GABRB3: variants seen among roughly 807,000 people sequenced by gnomAD.
GABRB3 encodes gamma-aminobutyric acid type A receptor subunit beta3, also known as gamma-aminobutyric acid receptor subunit beta-3.
GABRB3 carries 14 observed loss-of-function variants against 52.1 expected under a neutral mutation model. That is an observed-to-expected ratio of 0.27 (90% confidence interval 0.18 to 0.42). The LOEUF is 0.42. GABRB3 is among the 10% of genes least tolerant of loss of function. GABRB3 has a pLI of 1.00. For missense variants in GABRB3, 307 were observed against 609.1 expected (o/e 0.50, Z 5.22); for synonymous variants, 260 against 232.3 (o/e 1.12, Z -1.08).
intron 3 of GABRB3, among the ~76,000 whole-genome samples, chr15:26,685,737 A>T (rs1048531072): frequency 5.3e-5 from 8 of 152,088 alleles, no homozygotes; most frequent in Middle Eastern, 3.4e-3. Flanking sequence ...GATGGCTAGG[A>T]AAGACCCGCA....
At chr15:26,553,469 A>G (rs1299194905) in intron 8 of GABRB3, 2 of 152,176 alleles carry the variant, frequency 1.3e-5, no homozygotes, top group African/African-American at 2.4e-5. Context: ...GTTCTTTTCA[A>G]TAATACTAAA....
At chr15:26,714,885 T>C (rs1236349975) in intron 3 of GABRB3, among the ~76,000 whole-genome samples, 1 of 152,102 alleles carries the variant, frequency 6.6e-6, no homozygotes, top group African/African-American at 2.4e-5. Context: ...AAATCTGTAG[T>C]CTGTGGAGAA....
intron 3 of GABRB3, among the ~76,000 whole-genome samples, chr15:26,655,586 C>T (rs1457021246): frequency 6.6e-6 from 1 of 152,112 alleles, no homozygotes; most frequent in Non-Finnish European, 1.5e-5. Context: ...ACTAAAAATA[C>T]AAAAAATTAG....
At chr15:26,717,225 A>G (rs60736679) in intron 3 of GABRB3, among the ~76,000 whole-genome samples, 93 of 95,600 alleles carry the variant, frequency 9.7e-4, no homozygotes, top group Middle Eastern at 7.4e-3. Context: ...CTCAATGACA[A>G]CCTAGCTCTG....
intron 3 of GABRB3, among the ~76,000 whole-genome samples, chr15:26,678,679 A>G (rs1290633672): frequency 2.0e-5 from 3 of 152,132 alleles, no homozygotes; most frequent in Non-Finnish European, 4.4e-5. Flanking sequence ...ATATGGATGG[A>G]TCGACTCTGA....
intron 3 of GABRB3, among the ~76,000 whole-genome samples, chr15:26,706,935 G>C (rs545009658): frequency 1.3e-5 from 2 of 152,174 alleles, no homozygotes; most frequent in Admixed American, 1.3e-4. Flanking sequence ...TAGGAAGGAG[G>C]GTTTGTATTT....
chr15:26,768,756 A>C (rs962181979), intron 3 of GABRB3, among the ~76,000 whole-genome samples: 2 of 152,190 alleles, frequency 1.3e-5, no homozygotes, highest in South Asian at 2.1e-4. Flanking sequence ...ACAAGAGGGA[A>C]GTTACACAAA....
At chr15:26,559,972 A>C (rs1299794767) in intron 8 of GABRB3, among the ~76,000 whole-genome samples, 1 of 152,182 alleles carries the variant, frequency 6.6e-6, no homozygotes, top group Non-Finnish European at 1.5e-5. Flanking sequence ...AGGTGGACAA[A>C]AGATGGTGTG....
At chr15:26,646,450 C>T (rs1333381836) in intron 3 of GABRB3, among the ~76,000 whole-genome samples, 1 of 152,110 alleles carries the variant, frequency 6.6e-6, no homozygotes, top group African/African-American at 2.4e-5. Context: ...AACTGGTTCA[C>T]GCATTTACCA....
intron 7 of GABRB3, among the ~76,000 whole-genome samples, chr15:26,565,994 A>G (rs1890159772): frequency 1.3e-5 from 2 of 152,236 alleles, no homozygotes; most frequent in Admixed American, 1.3e-4. Context: ...CTACAAATGT[A>G]TCTTTGAATT....
chr15:26,766,461 G>C (rs965129812), intron 3 of GABRB3, among the ~76,000 whole-genome samples: 1 of 152,094 alleles, frequency 6.6e-6, no homozygotes, highest in Non-Finnish European at 1.5e-5. Flanking sequence ...AATTTCTTTT[G>C]TTCCTGCATG....
chr15:26,550,828 T>G (rs915813365), intron 8 of GABRB3, among the ~76,000 whole-genome samples: 2 of 152,196 alleles, frequency 1.3e-5, no homozygotes, highest in Non-Finnish European at 2.9e-5. Context: ...AACAGAATCA[T>G]GAGATAAAAC....
intron 3 of GABRB3, among the ~76,000 whole-genome samples, chr15:26,732,335 T>TGGAC (rs1161962594): frequency 3.6e-4 from 53 of 146,204 alleles, no homozygotes; most frequent in Admixed American, 2.8e-3. Flanking sequence ...GATGGATGGA[T>TGGAC]GGACGGACAG....
intron 3 of GABRB3, among the ~76,000 whole-genome samples, chr15:26,675,164 G>C (rs1888027983): frequency 6.6e-6 from 1 of 152,160 alleles, no homozygotes; most frequent in South Asian, 2.1e-4. Flanking sequence ...TTGTGGAGCT[G>C]ATTTCTCATA....
At position 26,675,903 on chromosome 15, in the gene GABRB3, C is replaced by T. The variant is rs531360274; in HGVS notation, c.241-54369G>A. 7.9e-5 allele frequency among the ~76,000 whole-genome samples: 12 copies of T among 152,246 alleles called. No individual in the cohort carries two copies. In the South Asian group the frequency reaches 1.9e-3, roughly 24 times the overall value. On this transcript the variant is annotated intron_variant, in intron 3 of 8. Transcript: ENST00000311550. ...TTGGGGGTTCTGGTCGAAATGATTT[C>T]GCAGGGTTCTTGCTAAAAGTTTCCA...
intron 6 of GABRB3, among the ~76,000 whole-genome samples, chr15:26,579,168 GAC>G (rs1890698568): frequency 6.6e-6 from 1 of 152,176 alleles, no homozygotes; most frequent in Non-Finnish European, 1.5e-5. Flanking sequence ...ACACACCCAG[GAC>G]ACATTGGGCA....
At chr15:26,565,554 T>C (rs1413475091) in intron 7 of GABRB3, among the ~76,000 whole-genome samples, 1 of 152,202 alleles carries the variant, frequency 6.6e-6, no homozygotes, top group African/African-American at 2.4e-5. Flanking sequence ...AGGCACAGTT[T>C]GTTTATATTA....
At chr15:26,667,134 G>T (rs1198771495) in intron 3 of GABRB3, among the ~76,000 whole-genome samples, 1 of 152,196 alleles carries the variant, frequency 6.6e-6, no homozygotes, top group Non-Finnish European at 1.5e-5. Context: ...AACGCATCCT[G>T]TATTACTGTC....
At chr15:26,691,242 A>C (rs2140664522) in intron 3 of GABRB3, among the ~76,000 whole-genome samples, 1 of 152,076 alleles carries the variant, frequency 6.6e-6, no homozygotes, top group South Asian at 2.1e-4. Flanking sequence ...TTAATATATG[A>C]GTTTTGTATA....
Sources: allele counts gnomAD v4.1 joint callset (sites outside exome capture counted in the v4.1 genomes callset), GRCh38; gene constraint gnomAD v4.1.1; transcripts MANE v1.5; gene names NCBI Gene and HGNC (gene_info 2026-07-23, HGNC 2026-07-21).